Variants in MPPED1 observed in about 807,000 individuals in gnomAD.
MPPED1 encodes metallophosphoesterase domain-containing protein 1.
In MPPED1, 16 loss-of-function variants were observed where a neutral mutation model predicts 36.2. The observed-to-expected ratio is 0.44, with a 90% CI of 0.30 to 0.67. The LOEUF (loss-of-function observed/expected upper bound fraction) is 0.67, where lower values mean the gene tolerates loss of function less well. Ranked by LOEUF, MPPED1 falls within the 30% of genes least tolerant of loss-of-function variation. The pLI is 0.10. For missense variants in MPPED1, 307 were observed against 453.4 expected (o/e 0.68, Z 2.93); for synonymous variants, 199 against 191.3 (o/e 1.04, Z -0.33).
intron 3 of MPPED1, among the ~76,000 whole-genome samples, chr22:43,471,103 G>A (rs772026787): frequency 3.3e-5 from 5 of 152,252 alleles, no homozygotes; most frequent in Admixed American, 1.3e-4. Context: ...CAGCTTCTGC[G>A]CTCCGCCCAA....
intron 3 of MPPED1, among the ~76,000 whole-genome samples, chr22:43,440,073 C>A (rs12168120): frequency 1.3e-5 from 2 of 152,198 alleles, no homozygotes; most frequent in Admixed American, 6.5e-5. Context: ...CGCCAGCCAG[C>A]GGAGCCCTGG....
intron 3 of MPPED1, among the ~76,000 whole-genome samples, chr22:43,458,665 G>A (rs748978711): frequency 1.3e-4 from 20 of 152,108 alleles, no homozygotes; most frequent in Non-Finnish European, 2.6e-4. Flanking sequence ...TTGCTGTCTG[G>A]TGCCCTTTCA....
Position 43,433,772 on chromosome 22 carries a change from A to G in MPPED1, c.225-1262A>G, listed in dbSNP as rs1929853051. Among the ~76,000 whole-genome samples, 3 of 146,222 alleles carry G rather than the reference A, an allele frequency of 2.1e-5. No homozygotes were observed. In the East Asian group the frequency reaches 6.0e-4, roughly 29 times the overall value. ...AAGTATATTGTCTGAAAAAAAAAAA[A>G]GGATAATTAGAAAGATGTCTTTAAA... On this transcript the variant is annotated intron_variant, in intron 2 of 6. Coordinates refer to ENST00000443721, the MANE Select transcript of MPPED1 (RefSeq NM_001044370.2).
intron 1 of MPPED1, among the ~76,000 whole-genome samples, chr22:43,417,198 G>A (rs1166022018): frequency 6.6e-6 from 1 of 152,208 alleles, no homozygotes; most frequent in Non-Finnish European, 1.5e-5. Flanking sequence ...CACTGTGGTT[G>A]ATCCTTTTGC....
chr22:43,477,597 C>T (rs957740592), intron 4 of MPPED1, among the ~76,000 whole-genome samples: 1 of 152,170 alleles, frequency 6.6e-6, no homozygotes, highest in African/African-American at 2.4e-5. Context: ...AGATTTAGGA[C>T]CTGGTCTCAT....
Position 43,486,366 on chromosome 22 carries a change from T to C in MPPED1, c.632+11405T>C, listed in dbSNP as rs577470352. Among the ~76,000 whole-genome samples the C allele has an allele frequency of 1.4e-3, 218 of 152,086 alleles. 1 individual carries two copies. The highest frequency in any genetic ancestry group is 4.3e-3 in the African/African-American group (179 of 41,528). On this transcript the variant is annotated intron_variant, in intron 4 of 6. Coordinates refer to ENST00000443721, the MANE Select transcript of MPPED1 (RefSeq NM_001044370.2). ...TGGCTCCCTGGAAAGCCCGGCCTCT[T>C]TGGGGAGGGGAGGTATTGGGGTGGG... is the stretch of plus-strand genomic sequence containing the variant.
intron 2 of MPPED1, among the ~76,000 whole-genome samples, chr22:43,431,008 A>G (rs1462180756): frequency 2.2e-5 from 2 of 90,466 alleles, no homozygotes; most frequent in Non-Finnish European, 4.9e-5. Context: ...GTCTCTTTCT[A>G]CTGTTGTTGT....
intron 4 of MPPED1, among the ~76,000 whole-genome samples, chr22:43,496,070 G>A (rs1932329755): frequency 2.0e-5 from 2 of 101,018 alleles, no homozygotes. Context: ...GGAGGTGGTG[G>A]TGGAGGTAGT....
rs1491212045 is a variant in MPPED1 at position 43,463,807 on chromosome 22, T to TTTTCTTTCTTTCTTTTTTTTTTCTTTC, written c.407-10914_407-10913insTTTTTTTCTTTCTTTCTTTCTTTCTTT. On this transcript the variant is annotated intron_variant, in intron 3 of 6. Transcript: ENST00000443721. ...ACTGTGGTTGATTTTTCATTTTTTC[T>TTTTCTTTCTTTCTTTTTTTTTTCTTTC]TTTCTTTCTTTCTTTCTTTCTTTCT... is the stretch of plus-strand genomic sequence containing the variant. 9.7e-5 allele frequency among the ~76,000 whole-genome samples: 11 copies of TTTTCTTTCTTTCTTTTTTTTTTCTTTC among 113,004 alleles called. 1 individual carries two copies. The highest frequency in any genetic ancestry group is 2.7e-4 in the East Asian group (1 of 3,722). 74.1% of individuals were successfully genotyped at this position (113,004 alleles called of 152,430 possible).
intron 1 of MPPED1, among the ~76,000 whole-genome samples, chr22:43,423,081 C>A (rs904655734): frequency 6.6e-6 from 1 of 152,172 alleles, no homozygotes; most frequent in Admixed American, 6.5e-5. Context: ...AGGTGATCCG[C>A]CCGTCTCAGC....
intron 2 of MPPED1, among the ~76,000 whole-genome samples, chr22:43,428,000 C>T (rs1350925282): frequency 1.3e-5 from 2 of 152,168 alleles, no homozygotes; most frequent in Admixed American, 1.3e-4. Flanking sequence ...GTAGAGAAGG[C>T]GCGGTGGGCA....
At chr22:43,488,798 C>T (rs527239146) in intron 4 of MPPED1, among the ~76,000 whole-genome samples, 54 of 152,326 alleles carry the variant, frequency 3.5e-4, no homozygotes, top group Middle Eastern at 3.4e-3. Context: ...GACATAAAGC[C>T]GCCTTCCATG....
At chr22:43,425,924 G>A (rs1030984025) in intron 2 of MPPED1, among the ~76,000 whole-genome samples, 1 of 152,224 alleles carries the variant, frequency 6.6e-6, no homozygotes, top group African/African-American at 2.4e-5. Flanking sequence ...ATGCCTGTGT[G>A]CGGGGCCAGC....
chr22:43,494,515 A>G (rs997128292), intron 4 of MPPED1, among the ~76,000 whole-genome samples: 1 of 152,108 alleles, frequency 6.6e-6, no homozygotes, highest in African/African-American at 2.4e-5. Flanking sequence ...CAGTTTCTCT[A>G]TGTTATCACA....
intron 3 of MPPED1, among the ~76,000 whole-genome samples, chr22:43,441,558 T>C (rs1299125887): frequency 6.6e-6 from 1 of 152,156 alleles, no homozygotes; most frequent in Non-Finnish European, 1.5e-5. Context: ...GATGGGCCCA[T>C]TAATTAAGTG....
At chr22:43,451,133 A>T (rs1057261279) in intron 3 of MPPED1, among the ~76,000 whole-genome samples, 1 of 151,266 alleles carries the variant, frequency 6.6e-6, no homozygotes, top group Non-Finnish European at 1.5e-5. Context: ...CAGCCTCCTG[A>T]GTAGCTGGGA....
At chr22:43,477,182 C>A (rs1457416970) in intron 4 of MPPED1, among the ~76,000 whole-genome samples, 2 of 152,204 alleles carry the variant, frequency 1.3e-5, no homozygotes, top group African/African-American at 4.8e-5. Context: ...CATGTCTGAA[C>A]CTCTGTTATG....
intron 5 of MPPED1, among the ~76,000 whole-genome samples, chr22:43,500,314 A>AGGTGGTGATGGG (rs1932670976): frequency 7.3e-5 from 1 of 13,764 alleles, no homozygotes; most frequent in African/African-American, 2.3e-4. Context: ...ATGGTGATGG[A>AGGTGGTGATGGG]GGTGGTGATG....
intron 3 of MPPED1, among the ~76,000 whole-genome samples, chr22:43,446,148 G>A (rs1930338505): frequency 6.6e-6 from 1 of 152,210 alleles, no homozygotes; most frequent in African/African-American, 2.4e-5. Flanking sequence ...TGGGATTACA[G>A]GCATGAGTCA....
Sources: allele counts gnomAD v4.1 joint callset (sites outside exome capture counted in the v4.1 genomes callset), GRCh38; gene constraint gnomAD v4.1.1; transcripts MANE v1.5; gene names NCBI Gene and HGNC (gene_info 2026-07-23, HGNC 2026-07-21).